FAM219A: variants seen among roughly 807,000 people sequenced by gnomAD.
FAM219A encodes the protein protein FAM219A.
Under a neutral mutation model 23.4 loss-of-function variants are expected in FAM219A, and 7 were observed. The ratio of observed to expected loss-of-function variants is 0.30; its 90% CI spans 0.17 to 0.56. The LOEUF (loss-of-function observed/expected upper bound fraction) is 0.56, where lower values mean the gene tolerates loss of function less well. FAM219A is among the 20% of genes least tolerant of loss of function. The pLI is 0.92. For synonymous variants in FAM219A, 93 were observed against 99.0 expected, an observed-to-expected ratio of 0.94 and a Z score of 0.36; for missense variants, 166 against 246.9, an observed-to-expected ratio of 0.67 and a Z score of 2.20.
chr9:34,419,759 A>C (rs558742724), intron 1 of FAM219A, among the ~76,000 whole-genome samples: 11 of 152,340 alleles, frequency 7.2e-5, no homozygotes, highest in Admixed American at 6.5e-4. Flanking sequence ...GCACTGGTTC[A>C]TAAATCTTTG....
intron 1 of FAM219A, among the ~76,000 whole-genome samples, chr9:34,421,045 A>AGAGAGAC (rs68047702): frequency 8.5e-6 from 1 of 117,226 alleles, no homozygotes; most frequent in Admixed American, 8.7e-5. Context: ...AGAGAGAGAG[A>AGAGAGAC]ATGGCTCTGC....
chr9:34,429,274 A>T (rs901657678), intron 1 of FAM219A, among the ~76,000 whole-genome samples: 2 of 152,132 alleles, frequency 1.3e-5, no homozygotes, highest in Non-Finnish European at 2.9e-5. Flanking sequence ...TCAATAAGGG[A>T]CCCAGAAGCC....
At chr9:34,455,331 T>A (rs1823690636) in intron 1 of FAM219A, among the ~76,000 whole-genome samples, 1 of 152,094 alleles carries the variant, frequency 6.6e-6, no homozygotes, top group Non-Finnish European at 1.5e-5. Flanking sequence ...GAGGTCTCAA[T>A]AAATGGCAAA....
In FAM219A at chr9:34,402,591, G is replaced by C; in HGVS notation, c.263+114C>G. On this transcript the variant is annotated intron_variant, in intron 3 of 5. Transcript: ENST00000651358. ...CCCCACCTTGGATCCTGTTAAGGCT[G>C]TCTCCTCTCAGAGAGGAGCTGGGCC... The C allele has an allele frequency of 9.0e-6, 14 of 1,548,000 alleles. No homozygotes were observed. The South Asian group carries it at 1.7e-4, about 19-fold the overall frequency.
chr9:34,414,278 A>T (rs542090396), intron 1 of FAM219A, among the ~76,000 whole-genome samples: 55 of 152,334 alleles, frequency 3.6e-4, no homozygotes, highest in Admixed American at 3.1e-3. Flanking sequence ...TATGACCTGA[A>T]GTCACACCTC....
chr9:34,401,272 C>T, intron 5 of FAM219A, 150 bp from the exon 6 acceptor site: 2 of 955,282 alleles, frequency 2.1e-6, no homozygotes, highest in Non-Finnish European at 3.1e-6. Flanking sequence ...ACCCCCAGGC[C>T]CCGCTCCTGC....
At chr9:34,402,108 C>A in intron 4 of FAM219A, 1 of 1,405,962 alleles carries the variant, frequency 7.1e-7, no homozygotes, top group South Asian at 1.5e-5. Flanking sequence ...TTCTGCTGTC[C>A]AGAGACAACA....
At chr9:34,447,365 T>C (rs1287006439) in intron 1 of FAM219A, among the ~76,000 whole-genome samples, 1 of 152,206 alleles carries the variant, frequency 6.6e-6, no homozygotes, top group African/African-American at 2.4e-5. Context: ...ACAATATCAA[T>C]ATTATGGGTA....
intron 1 of FAM219A, among the ~76,000 whole-genome samples, chr9:34,410,146 C>T (rs1220984916): frequency 6.6e-6 from 1 of 152,196 alleles, no homozygotes; most frequent in Non-Finnish European, 1.5e-5. Context: ...AAGACAGGCC[C>T]TCTGGGAGGC....
chr9:34,440,782 G>A (rs367642948), intron 1 of FAM219A, among the ~76,000 whole-genome samples: 3 of 151,616 alleles, frequency 2.0e-5, no homozygotes, highest in Admixed American at 6.6e-5. Context: ...CCCGGGAGGC[G>A]GAGCTTGCAA....
intron 1 of FAM219A, among the ~76,000 whole-genome samples, chr9:34,433,645 G>A (rs1822792576): frequency 6.6e-6 from 1 of 152,106 alleles, no homozygotes; most frequent in East Asian, 1.9e-4. Flanking sequence ...TTGCCAATCT[G>A]GCTGCTCCTC....
chr9:34,412,300 G>A (rs1821851116), intron 1 of FAM219A, among the ~76,000 whole-genome samples: 6 of 152,154 alleles, frequency 3.9e-5, no homozygotes, highest in Admixed American at 3.9e-4. Context: ...AGAATTGGCA[G>A]GCTTCTGATA....
At chr9:34,402,634 G>A (rs1157563190) in intron 3 of FAM219A, 71 bp downstream of exon 3, 37 of 1,575,202 alleles carry the variant, frequency 2.3e-5, no homozygotes, top group Non-Finnish European at 3.1e-5. Flanking sequence ...GGAGGGAAGA[G>A]GGGGAGGCTC....
At chr9:34,438,961 C>T (rs1564013947) in intron 1 of FAM219A, among the ~76,000 whole-genome samples, 1 of 152,220 alleles carries the variant, frequency 6.6e-6, no homozygotes, top group South Asian at 2.1e-4. Flanking sequence ...AGGTGTAACA[C>T]TCACCGCGAA....
chr9:34,447,865 CA>C (rs1823427381), intron 1 of FAM219A, among the ~76,000 whole-genome samples: 1 of 150,974 alleles, frequency 6.6e-6, no homozygotes, highest in Admixed American at 6.6e-5. Context: ...TAGAAAAAAA[CA>C]GTTTTCTTCA....
chr9:34,428,466 T>C (rs976143964), intron 1 of FAM219A, among the ~76,000 whole-genome samples: 1 of 152,120 alleles, frequency 6.6e-6, no homozygotes, highest in Non-Finnish European at 1.5e-5. Context: ...GGGTAGAGAG[T>C]AAATGAGTTC....
chr9:34,403,750 G>C (rs1162356456), intron 2 of FAM219A, among the ~76,000 whole-genome samples: 14 of 152,228 alleles, frequency 9.2e-5, no homozygotes, highest in Non-Finnish European at 2.1e-4. Context: ...TAGGTGGAGA[G>C]GGACACTAGG....
At chr9:34,432,914 T>A (rs1454516762) in intron 1 of FAM219A, among the ~76,000 whole-genome samples, 1 of 152,180 alleles carries the variant, frequency 6.6e-6, no homozygotes, top group Non-Finnish European at 1.5e-5. Context: ...CCCACACTAG[T>A]CTTGAACTCC....
chr9:34,420,686 A>G (rs1822235012), intron 1 of FAM219A, among the ~76,000 whole-genome samples: 1 of 152,166 alleles, frequency 6.6e-6, no homozygotes, highest in Non-Finnish European at 1.5e-5. Context: ...TGCTTAAGAA[A>G]GAGAAAGACC....
Sources: allele counts gnomAD v4.1 joint callset (sites outside exome capture counted in the v4.1 genomes callset), GRCh38; gene constraint gnomAD v4.1.1; transcripts MANE v1.5; gene names NCBI Gene and HGNC (gene_info 2026-07-23, HGNC 2026-07-21).